Variants in WDR72 observed in about 807,000 individuals in gnomAD.
The protein encoded by WDR72 is WD repeat domain 72, also known as WD repeat-containing protein 72.
Under a neutral mutation model 124.2 loss-of-function variants are expected in WDR72, and 120 were observed. The observed-to-expected ratio is 0.97, with a 90% CI of 0.83 to 1.12. WDR72 has a LOEUF of 1.12. Ranked by LOEUF, WDR72 falls within the 50% of genes most tolerant of loss-of-function variation. WDR72 has a pLI of 0.00. For synonymous variants in WDR72, 452 were observed against 441.7 expected (o/e 1.02, Z -0.29); for missense variants, 1,387 against 1,278.8 (o/e 1.08, Z -1.29).
chr15:53,722,294 G>A lies in WDR72; in HGVS notation c.260+508C>T, dbSNP rs143102196. ...AGGTGATCCGCCTGACTCAGCCTCCGAAAGTGCTGGGATTACAGGCATGAG... is the reference window on the plus strand; with the variant it reads ...AGGTGATCCGCCTGACTCAGCCTCCAAAAGTGCTGGGATTACAGGCATGAG... On this transcript the variant is annotated intron_variant, in intron 3 of 19. Coordinates refer to ENST00000360509, the MANE Select transcript of WDR72 (RefSeq NM_182758.4). Among the ~76,000 whole-genome samples, 682 of 152,070 alleles carry A rather than the reference G, an allele frequency of 4.5e-3. 2 individuals are homozygous for A. The highest frequency in any genetic ancestry group is 0.016 in the African/African-American group (654 of 41,498).
chr15:53,705,364 C>T, intron 10 of WDR72, 131 bp from the exon 11 acceptor site: 1 of 808,382 alleles, frequency 1.2e-6, no homozygotes, highest in Admixed American at 2.1e-5. Flanking sequence ...ATATTGCCAG[C>T]ATTCATCTCT....
In WDR72 at chr15:53,716,649, G is replaced by T. The variant is rs530593628; in HGVS notation, c.297C>A (p.Cys99Ter). ...TGTAAGGAAGTGTAGCCTTCTCCAT[G>T]CACTGTCCATTGGTGACATTCCAAA... ...MCVWNVTNGQ[C>*]MEKATLPYRH... Residue 99 changes from cysteine (C) to a stop codon, truncating the protein, a stop_gained, in exon 4 of 20, where the codon TGC (cysteine) becomes TGA (stop). Transcript: ENST00000360509. LOFTEE classifies it high-confidence loss of function. The T allele has an allele frequency of 1.9e-6, 3 of 1,608,128 alleles. No homozygotes were observed.
At chr15:53,685,239 G>A (rs2016574146) in intron 13 of WDR72, among the ~76,000 whole-genome samples, 1 of 145,784 alleles carries the variant, frequency 6.9e-6, no homozygotes, top group Non-Finnish European at 1.5e-5. Flanking sequence ...GAGAGAAGAA[G>A]GCTTCAGACG....
chr15:53,599,749 T>C (rs950040766), intron 17 of WDR72, among the ~76,000 whole-genome samples: 8 of 151,940 alleles, frequency 5.3e-5, no homozygotes, highest in African/African-American at 1.9e-4. Flanking sequence ...CCACTGAATA[T>C]AATATCCTAT....
intron 8 of WDR72, 69 bp downstream of exon 8, chr15:53,711,267 T>G (rs1189552514): frequency 6.2e-7 from 1 of 1,610,174 alleles, no homozygotes; most frequent in Non-Finnish European, 8.5e-7. Context: ...CAGGGATTTT[T>G]CCATAATAAA....
chr15:53,690,518 T>G (rs1295894823), intron 13 of WDR72, among the ~76,000 whole-genome samples: 9 of 152,172 alleles, frequency 5.9e-5, no homozygotes, highest in Admixed American at 5.9e-4. Context: ...ATATGTCATA[T>G]AAAAAAGAAT....
chr15:53,699,056 C>A (rs2140517794), intron 13 of WDR72, among the ~76,000 whole-genome samples: 1 of 152,198 alleles, frequency 6.6e-6, no homozygotes, highest in Admixed American at 6.5e-5. Context: ...GTTAATAACA[C>A]CCAACATAAA....
upstream of WDR72, chr15:53,762,826 A>G (rs901214819): frequency 1.5e-4 from 23 of 152,432 alleles, no homozygotes; most frequent in African/African-American, 5.0e-4. Flanking sequence ...CCCAGGACCC[A>G]TAATAATTTG....
At chr15:53,754,940 A>G (rs528236552) in intron 1 of WDR72, among the ~76,000 whole-genome samples, 1 of 152,340 alleles carries the variant, frequency 6.6e-6, no homozygotes, top group African/African-American at 2.4e-5. Context: ...TGTTTTCATC[A>G]AAAGACTCTA....
upstream of WDR72, chr15:53,762,700 G>C (rs2019080750): frequency 6.6e-6 from 1 of 152,180 alleles, no homozygotes; most frequent in African/African-American, 2.4e-5. Flanking sequence ...AATGTAGAAA[G>C]AGGTCTAGAC....
rs1026837357 is a variant in WDR72, at chr15:53,562,078, T to A, written c.3148+35001A>T. Among the ~76,000 whole-genome samples, 6 of 151,730 alleles carry A rather than the reference T, an allele frequency of 4.0e-5. No individual in the cohort carries two copies. The South Asian group carries it at 1.2e-3, about 31-fold the overall frequency. On this transcript the variant is annotated intron_variant, in intron 18 of 19. Transcript: ENST00000360509. ...TGCACTAAGCTCTTTTTAAGTAAAT[T>A]TTCTCATTTAATGCTCAAAGCAATG...
At chr15:53,527,506 T>C (rs940917169) in intron 18 of WDR72, among the ~76,000 whole-genome samples, 1 of 152,012 alleles carries the variant, frequency 6.6e-6, no homozygotes, top group Non-Finnish European at 1.5e-5. Flanking sequence ...ATGGAGCCCA[T>C]TGAAAAAACC....
intron 9 of WDR72, among the ~76,000 whole-genome samples, chr15:53,710,628 C>T (rs1002763278): frequency 3.3e-5 from 5 of 152,118 alleles, no homozygotes; most frequent in Non-Finnish European, 7.4e-5. Context: ...ATAATAAATA[C>T]ATATTGTTTC....
At chr15:53,671,411 A>G (rs2015983614) in intron 13 of WDR72, among the ~76,000 whole-genome samples, 1 of 152,140 alleles carries the variant, frequency 6.6e-6, no homozygotes, top group South Asian at 2.1e-4. Context: ...AGAACTTATC[A>G]CATTTGTAAT....
chr15:53,545,566 G>C (rs1429369360), intron 18 of WDR72, among the ~76,000 whole-genome samples: 2 of 151,864 alleles, frequency 1.3e-5, no homozygotes, highest in African/African-American at 2.4e-5. Context: ...AACCCTAGAA[G>C]CAAACCTAGG....
chr15:53,647,950 C>G (rs2015101054), intron 14 of WDR72, among the ~76,000 whole-genome samples: 1 of 152,096 alleles, frequency 6.6e-6, no homozygotes, highest in South Asian at 2.1e-4. Flanking sequence ...ATTGACTACT[C>G]CTAGTCCAGT....
At chr15:53,701,353 G>T (rs963870862) in intron 12 of WDR72, among the ~76,000 whole-genome samples, 1 of 152,052 alleles carries the variant, frequency 6.6e-6, no homozygotes, top group East Asian at 1.9e-4. Context: ...ACCAGCCTGG[G>T]CAACAAAGCA....
intron 13 of WDR72, among the ~76,000 whole-genome samples, chr15:53,699,225 T>C (rs980609849): frequency 6.6e-6 from 1 of 152,254 alleles, no homozygotes; most frequent in Non-Finnish European, 1.5e-5. Context: ...TATTTAGTAA[T>C]TGTTTTTTAA....
chr15:53,718,561 G>A (rs1292345698), intron 3 of WDR72, among the ~76,000 whole-genome samples: 1 of 151,868 alleles, frequency 6.6e-6, no homozygotes, highest in African/African-American at 2.4e-5. Flanking sequence ...ATAAAAGAAA[G>A]CAAATTTGTG....
Sources: allele counts gnomAD v4.1 joint callset (sites outside exome capture counted in the v4.1 genomes callset), GRCh38; gene constraint gnomAD v4.1.1; transcripts MANE v1.5; gene names NCBI Gene and HGNC (gene_info 2026-07-23, HGNC 2026-07-21).